The following FSTL5 variants were observed in gnomAD, a reference collection of about 807,000 sequenced individuals.
The protein encoded by FSTL5 is follistatin-related protein 5.
A neutral mutation model predicts 89.1 loss-of-function variants in FSTL5; 62 were observed. The ratio of observed to expected loss-of-function variants is 0.70; its 90% CI spans 0.57 to 0.86. The LOEUF (loss-of-function observed/expected upper bound fraction) is 0.86. Ranked by LOEUF, FSTL5 falls within the 40% of genes least tolerant of loss-of-function variation. FSTL5 has a pLI of 0.00. For synonymous variants in FSTL5, 383 were observed against 346.2 expected, an observed-to-expected ratio of 1.11 and a Z score of -1.18; for missense variants, 1,057 against 1,001.6, an observed-to-expected ratio of 1.06 and a Z score of -0.75.
intron 4 of FSTL5, among the ~76,000 whole-genome samples, chr4:161,824,922 G>C (rs566971377): frequency 6.6e-6 from 1 of 152,242 alleles, no homozygotes; most frequent in Non-Finnish European, 1.5e-5. Flanking sequence ...AGGACTTCCA[G>C]TACTATGTTG....
intron 7 of FSTL5, among the ~76,000 whole-genome samples, chr4:161,628,581 T>C (rs1418794129): frequency 6.6e-6 from 1 of 152,222 alleles, no homozygotes; most frequent in Non-Finnish European, 1.5e-5. Context: ...TTACTTTTAA[T>C]GTGCAGAGAG....
At chr4:161,855,794 G>A (rs531985543) in intron 4 of FSTL5, among the ~76,000 whole-genome samples, 2 of 152,100 alleles carry the variant, frequency 1.3e-5, no homozygotes, top group South Asian at 2.1e-4. Context: ...AATACCACAC[G>A]TCAAAATTAA....
intron 6 of FSTL5, among the ~76,000 whole-genome samples, chr4:161,733,582 T>A (rs951058616): frequency 6.6e-6 from 1 of 152,042 alleles, no homozygotes; most frequent in Non-Finnish European, 1.5e-5. Context: ...TTCTCAGTCG[T>A]AGAAAGAAAG....
intron 15 of FSTL5, among the ~76,000 whole-genome samples, chr4:161,394,669 C>A (rs1036517372): frequency 6.6e-6 from 1 of 152,180 alleles, no homozygotes; most frequent in Admixed American, 6.5e-5. Flanking sequence ...TTTACAATTT[C>A]TCCAGACACA....
intron 6 of FSTL5, among the ~76,000 whole-genome samples, chr4:161,697,811 G>A (rs530597341): frequency 6.1e-4 from 93 of 152,244 alleles, no homozygotes; most frequent in African/African-American, 2.2e-3. Flanking sequence ...GATCTCTTCT[G>A]ATGAAACAAA....
chr4:162,071,375 T>TA (rs1165919565), intron 2 of FSTL5, among the ~76,000 whole-genome samples: 4 of 151,034 alleles, frequency 2.6e-5, no homozygotes, highest in East Asian at 3.9e-4. Context: ...AGACTTTAAG[T>TA]AAAAAAACAC....
Position 161,560,822 on chromosome 4 carries a change from T to G in FSTL5, c.1016-18129A>C, listed in dbSNP as rs1421810653. On this transcript the variant is annotated intron_variant, in intron 8 of 15. Transcript: ENST00000306100. Reference sequence around the variant, plus strand: ...CCTTCTTCTAGAATACCTACTGAACTACCTGCCTAAGGCTGTTTTACCGTT... The same window carrying G: ...CCTTCTTCTAGAATACCTACTGAACGACCTGCCTAAGGCTGTTTTACCGTT... Among the ~76,000 whole-genome samples the G allele has an allele frequency of 5.9e-5, 9 of 151,974 alleles. No homozygotes were observed. The South Asian group carries it at 1.2e-3, about 21-fold the overall frequency.
intron 3 of FSTL5, among the ~76,000 whole-genome samples, chr4:162,032,030 C>G (rs1737549139): frequency 6.6e-6 from 1 of 152,090 alleles, no homozygotes; most frequent in African/African-American, 2.4e-5. Context: ...GAGTGACAAG[C>G]ATCATCTTGA....
chr4:162,088,048 T>A (rs1043897153), intron 2 of FSTL5, among the ~76,000 whole-genome samples: 1 of 152,120 alleles, frequency 6.6e-6, no homozygotes, highest in African/African-American at 2.4e-5. Flanking sequence ...CTTCAAGACA[T>A]GAGTAGCACT....
intron 4 of FSTL5, among the ~76,000 whole-genome samples, chr4:161,812,509 T>G (rs1310073028): frequency 2.3e-5 from 1 of 42,732 alleles, no homozygotes; most frequent in Non-Finnish European, 4.8e-5. Flanking sequence ...CCATCTGTAG[T>G]TAAGAAAAAC....
intron 8 of FSTL5, among the ~76,000 whole-genome samples, chr4:161,572,461 T>C (rs1328498974): frequency 6.6e-6 from 1 of 151,968 alleles, no homozygotes; most frequent in East Asian, 1.9e-4. Flanking sequence ...CACACCTTCC[T>C]TCACATGTTC....
intron 13 of FSTL5, among the ~76,000 whole-genome samples, chr4:161,473,543 C>T (rs1346245015): frequency 6.6e-6 from 1 of 151,324 alleles, no homozygotes; most frequent in Non-Finnish European, 1.5e-5. Flanking sequence ...TCCCACATCA[C>T]TCAGCTTCCC....
At position 161,568,153 on chromosome 4, in the gene FSTL5, C is replaced by A. The variant is rs1732884320; in HGVS notation, c.1015+19302G>T. 2.6e-5 allele frequency among the ~76,000 whole-genome samples: 4 copies of A among 152,086 alleles called. No individual in the cohort carries two copies. In the South Asian group the frequency reaches 8.3e-4, roughly 32 times the overall value. ...TTGCCATATATCTCAACCACCTTCTCTAGGCAGCTTTACCCACAATGCAGG... is the reference window on the plus strand; with the variant it reads ...TTGCCATATATCTCAACCACCTTCTATAGGCAGCTTTACCCACAATGCAGG... On this transcript the variant is annotated intron_variant, in intron 8 of 15. Transcript: ENST00000306100.
chr4:161,514,896 A>G (rs1730764338), intron 10 of FSTL5, among the ~76,000 whole-genome samples: 1 of 152,060 alleles, frequency 6.6e-6, no homozygotes, highest in African/African-American at 2.4e-5. Flanking sequence ...TGCAAAATAA[A>G]ATTTTGTTTG....
intron 6 of FSTL5, among the ~76,000 whole-genome samples, chr4:161,700,925 G>A (rs1464822825): frequency 6.6e-6 from 1 of 152,070 alleles, no homozygotes; most frequent in Non-Finnish European, 1.5e-5. Flanking sequence ...GTAGTTTGGA[G>A]CTTCTCATTT....
At chr4:161,718,020 A>C (rs908455488) in intron 6 of FSTL5, among the ~76,000 whole-genome samples, 1 of 152,174 alleles carries the variant, frequency 6.6e-6, no homozygotes, top group African/African-American at 2.4e-5. Flanking sequence ...TTTATCACCT[A>C]ATATTTGAAA....
In FSTL5 at chr4:162,153,882, C is replaced by G. The variant is rs576713686; in HGVS notation, c.-17+9733G>C. ...GTGCAATAGCATGATCTCGGCTCACCACAACCTCCACCCCTTGGGTTCAAG... is the reference window on the plus strand; with the variant it reads ...GTGCAATAGCATGATCTCGGCTCACGACAACCTCCACCCCTTGGGTTCAAG... On this transcript the variant is annotated intron_variant, in intron 1 of 15. Transcript: ENST00000306100. 1.2e-3 allele frequency among the ~76,000 whole-genome samples: 173 copies of G among 148,558 alleles called. 1 individual carries two copies. The highest frequency in any genetic ancestry group is 4.1e-3 in the African/African-American group (165 of 40,388).
intron 15 of FSTL5, among the ~76,000 whole-genome samples, chr4:161,408,988 T>A (rs1325901784): frequency 6.6e-6 from 1 of 152,168 alleles, no homozygotes; most frequent in Non-Finnish European, 1.5e-5. Flanking sequence ...AACTTATATT[T>A]GAGGATATAG....
chr4:161,928,990 A>C (rs1184247851), intron 3 of FSTL5, among the ~76,000 whole-genome samples: 1 of 151,756 alleles, frequency 6.6e-6, no homozygotes. Flanking sequence ...GATGTCCTCC[A>C]TAGAGATCAT....
Sources: allele counts gnomAD v4.1 joint callset (sites outside exome capture counted in the v4.1 genomes callset), GRCh38; gene constraint gnomAD v4.1.1; transcripts MANE v1.5; gene names NCBI Gene and HGNC (gene_info 2026-07-23, HGNC 2026-07-21).